Variants in ADAMTS18 observed in about 807,000 individuals in gnomAD.
ADAMTS18 encodes ADAM metallopeptidase with thrombospondin type 1 motif 18.
ADAMTS18 carries 157 observed loss-of-function variants against 165.9 expected under a neutral mutation model. That is an observed-to-expected ratio of 0.95 (90% CI 0.83 to 1.08). The LOEUF is 1.08. Ranked by LOEUF, ADAMTS18 falls within the 50% of genes least tolerant of loss-of-function variation. The pLI is 0.00. For missense variants in ADAMTS18, 2,040 were observed against 1,534.0 expected, an observed-to-expected ratio of 1.33 and a Z score of -5.51; for synonymous variants, 782 against 578.2, an observed-to-expected ratio of 1.35 and a Z score of -5.06.
At chr16:77,411,063 T>A (rs2057456239) in intron 3 of ADAMTS18, among the ~76,000 whole-genome samples, 1 of 152,204 alleles carries the variant, frequency 6.6e-6, no homozygotes, top group Admixed American at 6.5e-5. Context: ...ATCAACTGAC[T>A]ACCTGTTTTA....
chr16:77,287,227 ATCT>A (rs1212563998), intron 22 of ADAMTS18, among the ~76,000 whole-genome samples: 2 of 152,150 alleles, frequency 1.3e-5, no homozygotes, highest in Non-Finnish European at 2.9e-5. Context: ...AAAGAACGGA[ATCT>A]TCTTCCGTCA....
chr16:77,293,108 G>T lies in ADAMTS18; in HGVS notation c.3157C>A (p.Arg1053=), dbSNP rs148703569. Residue 1053 remains arginine, a synonymous_variant, in exon 20 of 23, where the codon CGG becomes AGG. Coordinates refer to ENST00000282849, the MANE Select transcript of ADAMTS18 (RefSeq NM_199355.4). ...CVLGRCPKNS[R]LQWVASSWSE... ...CACGAAGAAGCGACCCACTGTAGCC[G>T]GCTGTTCTTGGGGCATCGTCCAAGC... 1.2e-6 allele frequency: 2 copies of T among 1,613,808 alleles called. No homozygotes were observed. The highest frequency in any genetic ancestry group is 2.7e-5 in the African/African-American group (2 of 74,818).
intron 3 of ADAMTS18, among the ~76,000 whole-genome samples, chr16:77,426,354 A>C (rs1007036495): frequency 3.3e-5 from 5 of 152,118 alleles, no homozygotes; most frequent in African/African-American, 1.2e-4. Context: ...TGGAAAAAAA[A>C]AATTTCATTG....
At chr16:77,309,642 A>G (rs150699520) in intron 16 of ADAMTS18, among the ~76,000 whole-genome samples, 7 of 152,380 alleles carry the variant, frequency 4.6e-5, no homozygotes, top group Admixed American at 2.6e-4. Context: ...ACATATAAAA[A>G]TAACCAGAAG....
intron 3 of ADAMTS18, among the ~76,000 whole-genome samples, chr16:77,397,591 A>G (rs1024874012): frequency 6.6e-6 from 1 of 152,230 alleles, no homozygotes; most frequent in Non-Finnish European, 1.5e-5. Flanking sequence ...ACTGAGTAAA[A>G]CTGCCCACTA....
chr16:77,289,541 C>A, intron 21 of ADAMTS18, 130 bp from the exon 22 acceptor site: 9 of 1,068,436 alleles, frequency 8.4e-6, no homozygotes, highest in Non-Finnish European at 1.2e-5. Context: ...TGGAGCCAGG[C>A]ACATGTGCTT....
chr16:77,290,997 G>A (rs2055351549), intron 21 of ADAMTS18: 2 of 512,530 alleles, frequency 3.9e-6, no homozygotes, highest in Middle Eastern at 5.4e-4. Flanking sequence ...TGTATAACTG[G>A]CCTGGTGGTA....
chr16:77,349,733 C>T (rs1420100009), intron 10 of ADAMTS18, among the ~76,000 whole-genome samples: 1 of 152,158 alleles, frequency 6.6e-6, no homozygotes, highest in East Asian at 1.9e-4. Flanking sequence ...AGATACATAT[C>T]CTAAAATGCT....
intron 7 of ADAMTS18, among the ~76,000 whole-genome samples, chr16:77,360,116 T>C (rs1318456555): frequency 6.6e-6 from 1 of 152,198 alleles, no homozygotes; most frequent in Non-Finnish European, 1.5e-5. Context: ...TATGTACCCA[T>C]CTAATATTAA....
intron 20 of ADAMTS18, among the ~76,000 whole-genome samples, chr16:77,292,365 T>C (rs1160020280): frequency 6.6e-6 from 1 of 152,122 alleles, no homozygotes; most frequent in Non-Finnish European, 1.5e-5. Flanking sequence ...CCTCATGATT[T>C]TTCCACCCCA....
intron 12 of ADAMTS18, among the ~76,000 whole-genome samples, chr16:77,334,681 GTA>G (rs575424017): frequency 0.022 from 2,323 of 106,250 alleles, 51 homozygotes; most frequent in African/African-American, 0.045. Flanking sequence ...ATATACTATA[GTA>G]TATATATATA....
At chr16:77,431,738 A>G in intron 2 of ADAMTS18, 127 bp from the exon 3 acceptor site, 2 of 982,458 alleles carry the variant, frequency 2.0e-6, no homozygotes, top group Non-Finnish European at 3.2e-6. Context: ...TTGCACCTAG[A>G]TCAAATATAA....
At chr16:77,315,267 C>G (rs1374984076) in intron 16 of ADAMTS18, among the ~76,000 whole-genome samples, 3 of 152,124 alleles carry the variant, frequency 2.0e-5, no homozygotes, top group Non-Finnish European at 4.4e-5. Flanking sequence ...GAAACTGGCA[C>G]TTAGTGGGTT....
rs554300243 is a variant in ADAMTS18, at chr16:77,315,790, A to G, written c.2532+4059T>C. On this transcript the variant is annotated intron_variant, in intron 16 of 22. Transcript: ENST00000282849. ...TTAACAAATGATATACTACTATACT[A>G]CACTTTAGGTATTTTTAGGAACTGA... Among the ~76,000 whole-genome samples the G allele has an allele frequency of 5.3e-5, 8 of 152,320 alleles. No homozygotes were observed. In the East Asian group the frequency reaches 1.5e-3, roughly 29 times the overall value.
At chr16:77,396,660 C>G (rs944281240) in intron 3 of ADAMTS18, among the ~76,000 whole-genome samples, 2 of 152,138 alleles carry the variant, frequency 1.3e-5, no homozygotes, top group Non-Finnish European at 2.9e-5. Context: ...AATCCAAATT[C>G]CAAGAAGGCA....
chr16:77,400,688 C>G (rs1171274457), intron 3 of ADAMTS18, among the ~76,000 whole-genome samples: 1 of 151,114 alleles, frequency 6.6e-6, no homozygotes, highest in Non-Finnish European at 1.5e-5. Context: ...TCACCGTGGT[C>G]TCGATCTCCT....
intron 3 of ADAMTS18, among the ~76,000 whole-genome samples, chr16:77,421,768 T>G (rs1339097479): frequency 6.6e-6 from 1 of 152,076 alleles, no homozygotes; most frequent in African/African-American, 2.4e-5. Flanking sequence ...CTCCCTACCC[T>G]CCTCATAAAA....
At chr16:77,299,334 T>A (rs2055536206) in intron 17 of ADAMTS18, among the ~76,000 whole-genome samples, 1 of 152,254 alleles carries the variant, frequency 6.6e-6, no homozygotes, top group Non-Finnish European at 1.5e-5. Flanking sequence ...GCTTTTAAAA[T>A]GGGTATTACT....
intron 16 of ADAMTS18, among the ~76,000 whole-genome samples, chr16:77,319,577 G>T (rs2055951134): frequency 6.6e-6 from 1 of 152,050 alleles, no homozygotes; most frequent in Non-Finnish European, 1.5e-5. Context: ...CTAATAGCTG[G>T]GATTACAGGC....
Sources: gnomAD v4.1 joint callset for allele counts (sites outside exome capture counted in the v4.1 genomes callset) on GRCh38, gnomAD v4.1.1 for gene constraint, MANE v1.5 for transcripts, NCBI Gene and HGNC (gene_info 2026-07-23, HGNC 2026-07-21) for gene names.